RIMS2: variants seen among roughly 807,000 people sequenced by gnomAD.
RIMS2 encodes regulating synaptic membrane exocytosis protein 2.
A neutral mutation model predicts 174.4 loss-of-function variants in RIMS2; 59 were observed. The ratio of observed to expected loss-of-function variants is 0.34; its 90% confidence interval spans 0.27 to 0.42. The LOEUF is 0.42. Ranked by LOEUF, RIMS2 falls within the 10% of genes least tolerant of loss-of-function variation. RIMS2 has a pLI of 1.00. For synonymous variants in RIMS2, 606 were observed against 572.5 expected, an observed-to-expected ratio of 1.06 and a Z score of -0.84; for missense variants, 1,620 against 1,666.3, an observed-to-expected ratio of 0.97 and a Z score of 0.48.
chr8:104,123,224 G>T (rs913341106), intron 19 of RIMS2, among the ~76,000 whole-genome samples: 1 of 151,784 alleles, frequency 6.6e-6, no homozygotes, highest in African/African-American at 2.4e-5. Flanking sequence ...CTCAGTATGT[G>T]TATATTTTTA....
intron 1 of RIMS2, among the ~76,000 whole-genome samples, chr8:103,676,777 G>C (rs1301231053): frequency 6.6e-6 from 1 of 152,102 alleles, no homozygotes; most frequent in Non-Finnish European, 1.5e-5. Flanking sequence ...GAGGTCAAGA[G>C]TTCAAGAGTA....
chr8:103,652,702 G>A, intron 1 of RIMS2: 1 of 1,347,668 alleles, frequency 7.4e-7, no homozygotes, highest in Non-Finnish European at 9.8e-7. Context: ...ATGAAAAGGA[G>A]CCCCAGACGT....
At chr8:103,873,207 C>CCAA (rs2099120812) in intron 3 of RIMS2, among the ~76,000 whole-genome samples, 1 of 151,996 alleles carries the variant, frequency 6.6e-6, no homozygotes, top group African/African-American at 2.4e-5. Context: ...CTATTCTGCC[C>CCAA]CTTAGGATAA....
chr8:104,078,346 G>A (rs1313049227), intron 19 of RIMS2, among the ~76,000 whole-genome samples: 1 of 152,142 alleles, frequency 6.6e-6, no homozygotes, highest in African/African-American at 2.4e-5. Flanking sequence ...TTAAAGAACA[G>A]AAATGTATTT....
intron 1 of RIMS2, among the ~76,000 whole-genome samples, chr8:103,636,779 C>T: frequency 1.3e-5 from 1 of 76,604 alleles, no homozygotes; most frequent in African/African-American, 5.6e-5. Flanking sequence ...TTCTATAACC[C>T]ACCCCCGCAC....
intron 19 of RIMS2, among the ~76,000 whole-genome samples, chr8:104,130,517 T>C (rs1659632426): frequency 6.6e-6 from 1 of 152,164 alleles, no homozygotes; most frequent in Non-Finnish European, 1.5e-5. Context: ...GGGGACCTAC[T>C]TTCCATCTCC....
At chr8:103,915,774 C>A (rs1595077973) in intron 7 of RIMS2, among the ~76,000 whole-genome samples, 180 bp downstream of exon 10, 1 of 152,002 alleles carries the variant, frequency 6.6e-6, no homozygotes, top group Admixed American at 6.5e-5. Flanking sequence ...AGATAAAAAT[C>A]ATTTTTATTT....
chr8:103,790,468 A>G (rs1404382791), intron 3 of RIMS2, among the ~76,000 whole-genome samples: 2 of 152,154 alleles, frequency 1.3e-5, no homozygotes, highest in African/African-American at 4.8e-5. Context: ...ATTTCATTGT[A>G]TGTTTATACC....
chr8:104,237,275 T>C (rs2099263550), intron 19 of RIMS2, among the ~76,000 whole-genome samples: 1 of 152,158 alleles, frequency 6.6e-6, no homozygotes, highest in Admixed American at 6.6e-5. Flanking sequence ...TACTATCTAT[T>C]GTATGTATCT....
chr8:103,860,748 A>C (rs372533806), intron 3 of RIMS2, among the ~76,000 whole-genome samples: 51 of 151,924 alleles, frequency 3.4e-4, no homozygotes, highest in African/African-American at 1.2e-3. Context: ...AGTAAGGGAA[A>C]CTTTACACAT....
chr8:103,557,692 A>C (rs1392937127), intron 1 of RIMS2, among the ~76,000 whole-genome samples: 1 of 152,200 alleles, frequency 6.6e-6, no homozygotes, highest in Non-Finnish European at 1.5e-5. Context: ...TATGGCTGAA[A>C]TACATTTTTG....
intron 1 of RIMS2, among the ~76,000 whole-genome samples, chr8:103,658,887 C>T (rs1428993210): frequency 6.6e-6 from 1 of 152,092 alleles, no homozygotes; most frequent in Non-Finnish European, 1.5e-5. Flanking sequence ...TTTGCTGTGT[C>T]TACTCATGTT....
chr8:103,799,403 G>A (rs567880844), intron 3 of RIMS2, among the ~76,000 whole-genome samples: 1 of 152,196 alleles, frequency 6.6e-6, no homozygotes, highest in East Asian at 1.9e-4. Context: ...GTCAAAACTC[G>A]TTACTATAAA....
At chr8:104,017,005 C>T (rs1029419435) in intron 19 of RIMS2, among the ~76,000 whole-genome samples, 12 of 152,024 alleles carry the variant, frequency 7.9e-5, no homozygotes, top group South Asian at 2.1e-4. Flanking sequence ...GCCAAAACCT[C>T]CCTTATCCTT....
chr8:103,691,536 T>A (rs966052558), intron 1 of RIMS2, among the ~76,000 whole-genome samples: 3 of 152,222 alleles, frequency 2.0e-5, no homozygotes, highest in South Asian at 4.1e-4. Context: ...TTCTTTTACG[T>A]TATTTCAATC....
chr8:103,815,517 C>A (rs953150797), intron 3 of RIMS2, among the ~76,000 whole-genome samples: 1 of 152,044 alleles, frequency 6.6e-6, no homozygotes, highest in African/African-American at 2.4e-5. Flanking sequence ...ATAGAGAAAC[C>A]AATTGCCATC....
rs137947549 is a variant in RIMS2, at chr8:103,760,144, G to A, written c.388-6083G>A. ...AGCCACAGCGATAGCCAACATAGAA[G>A]GATTTGTAACAGCTAAGACTGGGAA... is the stretch of plus-strand genomic sequence containing the variant. On this transcript the variant is annotated intron_variant, in intron 2 of 23. Coordinates refer to ENST00000504942, the Ensembl canonical transcript of RIMS2. Among the ~76,000 whole-genome samples, 25 of 152,302 alleles carry A rather than the reference G, an allele frequency of 1.6e-4. No homozygotes were observed. The East Asian group carries it at 4.6e-3, about 28-fold the overall frequency.
chr8:103,569,418 A>G (rs997620882), intron 1 of RIMS2, among the ~76,000 whole-genome samples: 6 of 152,164 alleles, frequency 3.9e-5, no homozygotes, highest in Admixed American at 2.6e-4. Flanking sequence ...TTTCAATACT[A>G]ATTGTATTGA....
At chr8:103,944,407 A>T (rs1189900469) in intron 14 of RIMS2, among the ~76,000 whole-genome samples, 1 of 152,078 alleles carries the variant, frequency 6.6e-6, no homozygotes, top group African/African-American at 2.4e-5. Context: ...CCAACCTAAT[A>T]TATTTTATGT....
Sources: gnomAD v4.1 joint callset for allele counts (sites outside exome capture counted in the v4.1 genomes callset) on GRCh38, gnomAD v4.1.1 for gene constraint, MANE v1.5 for transcripts, NCBI Gene and HGNC (gene_info 2026-07-23, HGNC 2026-07-21) for gene names.